PPP2R3C: variants seen among roughly 807,000 people sequenced by gnomAD.
The protein encoded by PPP2R3C is serine/threonine-protein phosphatase 2A regulatory subunit B'' subunit gamma.
A neutral mutation model predicts 63.7 loss-of-function variants in PPP2R3C; 47 were observed. The observed-to-expected ratio is 0.74, with a 90% CI of 0.58 to 0.94. The LOEUF (loss-of-function observed/expected upper bound fraction) is 0.94. Ranked by LOEUF, PPP2R3C falls within the 40% of genes least tolerant of loss-of-function variation. The pLI, the probability that PPP2R3C is intolerant of heterozygous loss-of-function variation, is 0.00. For synonymous variants in PPP2R3C, 180 were observed against 177.4 expected (o/e 1.01, Z -0.12); for missense variants, 421 against 518.4 (o/e 0.81, Z 1.82).
intron 6 of PPP2R3C, 93 bp from the exon 7 acceptor site, chr14:35,099,477 A>G (rs1272937712): frequency 2.2e-6 from 3 of 1,350,222 alleles, no homozygotes; most frequent in Non-Finnish European, 3.0e-6. Context: ...CATTAATACT[A>G]TATTGATAAA....
chr14:35,110,699 C>T, intron 2 of PPP2R3C, 70 bp from the exon 3 acceptor site: 1 of 971,066 alleles, frequency 1.0e-6, no homozygotes, highest in South Asian at 1.4e-5. Context: ...TATGTGGCCT[C>T]ATAAAATAAC....
At chr14:35,093,301 T>TC (rs1237985035) in intron 10 of PPP2R3C, among the ~76,000 whole-genome samples, 1 of 152,040 alleles carries the variant, frequency 6.6e-6, no homozygotes, top group Non-Finnish European at 1.5e-5. Context: ...TGGGAGGTTC[T>TC]CACTTAGATA....
chr14:35,120,904 C>CCGCT (rs920194635), intron 1 of PPP2R3C, among the ~76,000 whole-genome samples: 3 of 152,006 alleles, frequency 2.0e-5, no homozygotes, highest in African/African-American at 7.3e-5. Context: ...CTTCACTGCG[C>CCGCT]CGCTGCACTC....
chr14:35,108,500 G>A (rs1490114007), intron 4 of PPP2R3C, among the ~76,000 whole-genome samples: 2 of 151,596 alleles, frequency 1.3e-5, no homozygotes, highest in African/African-American at 2.4e-5. Flanking sequence ...TCAAGAGATC[G>A]AGACCATTTT....
intron 6 of PPP2R3C, chr14:35,099,741 C>CT (rs11393206): frequency 0.18 from 27,891 of 156,214 alleles, 2,344 homozygotes; most frequent in Middle Eastern, 0.27. Context: ...TTCTTTCCCT[C>CT]TTTTTTTTTT....
At position 35,116,610 on chromosome 14, in the gene PPP2R3C, C is replaced by T; in HGVS notation, c.186G>A (p.Arg62=). 1 of 1,586,246 alleles carries T rather than the reference C, an allele frequency of 6.3e-7. No homozygotes were observed. The highest frequency in any genetic ancestry group is 8.6e-7 in the Non-Finnish European group (1 of 1,166,160). ...FYKTIPRFYY[R]LPAEDEVLLQ... is the part of the protein sequence containing the mutation. ...GGACATTTGATTAGACACTACTTAC[C>T]CTATAATAAAACCGGGGAATGGTCT... The change falls in exon 2 of 13, where the codon AGG becomes AGA. Residue 62 remains arginine (R), a splice_region_variant and synonymous_variant. Transcript: ENST00000261475.
At chr14:35,099,877 C>G (rs1595095522) in intron 6 of PPP2R3C, 1 of 154,788 alleles carries the variant, frequency 6.5e-6, no homozygotes, top group Non-Finnish European at 1.4e-5. Flanking sequence ...GTAGCTGGGA[C>G]TACAGGCGCG....
chr14:35,115,148 CT>C (rs574544715), intron 2 of PPP2R3C, among the ~76,000 whole-genome samples: 11,269 of 141,226 alleles, frequency 0.08, 519 homozygotes, highest in Middle Eastern at 0.13. Context: ...TTGTAAACGG[CT>C]TTTTTTTTTT....
At position 35,091,129 on chromosome 14, in the gene PPP2R3C, G is replaced by A; in HGVS notation, c.1054C>T (p.Leu352=). ...EPAALQYIFK[L]LDIENKGYLN... ...TATCCTTTGTTCTCAATATCAAGCA[G>A]TTTGAAAATATATTGTAGAGCTGCA... The change falls in exon 11 of 13, where the codon CTG becomes TTG. Residue 352 remains leucine (L), a synonymous_variant. Transcript: ENST00000261475. 2.5e-6 allele frequency: 4 copies of A among 1,608,090 alleles called. No individual in the cohort carries two copies. The highest frequency in any genetic ancestry group is 3.4e-6 in the Non-Finnish European group (4 of 1,175,704).
At chr14:35,090,581 A>G (rs1480618267) in intron 11 of PPP2R3C, among the ~76,000 whole-genome samples, 1 of 152,082 alleles carries the variant, frequency 6.6e-6, no homozygotes, top group South Asian at 2.1e-4. Flanking sequence ...ACCAAATGAT[A>G]TATCTTTAAT....
intron 11 of PPP2R3C, among the ~76,000 whole-genome samples, chr14:35,089,608 C>T (rs552903924): frequency 1.8e-3 from 271 of 152,244 alleles, no homozygotes; most frequent in African/African-American, 6.3e-3. Flanking sequence ...CCTGCCTCAG[C>T]TTCCCTAAGT....
Position 35,107,817 on chromosome 14 carries a change from A to ATCAG in PPP2R3C, c.502+318_502+321dup, listed in dbSNP as rs138100165. 217 of 397,644 alleles carry ATCAG rather than the reference A, an allele frequency of 5.5e-4. 1 individual carries two copies. Among genetic ancestry groups the ATCAG allele is most frequent in the Non-Finnish European group, 8.5e-4 (192 of 227,100 alleles). 24.6% of individuals were successfully genotyped at this position (397,644 alleles called of 1,614,324 possible). On this transcript the variant is annotated intron_variant, in intron 5 of 12. Transcript: ENST00000261475. Reference sequence around the variant, plus strand: ...ATATTACAGCTTTGGGTTTGAAACTATCAGTCAACTCAACTTGTAATATAC... The same window carrying ATCAG: ...ATATTACAGCTTTGGGTTTGAAACTATCAGTCAGTCAACTCAACTTGTAATATAC...
chr14:35,111,970 C>T (rs189332459), intron 2 of PPP2R3C, among the ~76,000 whole-genome samples: 2 of 152,352 alleles, frequency 1.3e-5, no homozygotes, highest in Admixed American at 1.3e-4. Flanking sequence ...AATTATTTCT[C>T]TCTTGCAATT....
intron 11 of PPP2R3C, among the ~76,000 whole-genome samples, chr14:35,089,197 G>A (rs1039549491): frequency 1.6e-4 from 24 of 152,052 alleles, no homozygotes; most frequent in African/African-American, 5.6e-4. Flanking sequence ...TGACCTCCCG[G>A]ACTCTAGTGA....
rs2046035989 is a variant in PPP2R3C at position 35,097,477 on chromosome 14, T to C, written c.707-713A>G. Among the ~76,000 whole-genome samples the C allele has an allele frequency of 3.3e-5, 5 of 151,228 alleles. No individual in the cohort carries two copies. The South Asian group carries it at 1.0e-3, about 32-fold the overall frequency. ...GAGCAGAGTTTGTTTTGTCTTGTTC[T>C]TGTTCTTTTTTTTTTTTTTTTTGAG... On this transcript the variant is annotated intron_variant, in intron 7 of 12. Transcript: ENST00000261475.
At chr14:35,088,158 T>G in intron 11 of PPP2R3C, 148 bp from the exon 12 acceptor site, 1 of 692,322 alleles carries the variant, frequency 1.4e-6, no homozygotes, top group South Asian at 1.7e-5. Context: ...TTAGCTTTCT[T>G]GACCTTATTC....
At chr14:35,122,210 A>G (rs558326288), upstream of PPP2R3C, 43 of 501,884 alleles carry the variant, frequency 8.6e-5, no homozygotes, top group Non-Finnish European at 1.3e-4. Context: ...TTCAGAGGCG[A>G]CCCAAGCTCA....
chr14:35,104,572 T>C (rs935089312), intron 6 of PPP2R3C, among the ~76,000 whole-genome samples: 1 of 152,182 alleles, frequency 6.6e-6, no homozygotes, highest in African/African-American at 2.4e-5. Context: ...TAGATACCCA[T>C]ACTCAGAAGA....
At position 35,110,507 on chromosome 14, in the gene PPP2R3C, T is replaced by G. The variant is rs770668289; in HGVS notation, c.291+18A>C. On this transcript the variant is annotated intron_variant, in intron 3 of 12. Coordinates refer to ENST00000261475, the MANE Select transcript of PPP2R3C (RefSeq NM_017917.4). ...AGAAATGGTTAACATCTAAAGCAAC[T>G]TTTTGCTTTGTTCTTACCTGTAATT... 2.6e-6 allele frequency: 4 copies of G among 1,518,432 alleles called. No homozygotes were observed. The South Asian group carries it at 4.7e-5, about 18-fold the overall frequency. 94.1% of individuals were successfully genotyped at this position (1,518,432 alleles called of 1,614,324 possible).
Sources: allele counts gnomAD v4.1 joint callset (sites outside exome capture counted in the v4.1 genomes callset), GRCh38; gene constraint gnomAD v4.1.1; transcripts MANE v1.5; gene names NCBI Gene and HGNC (gene_info 2026-07-23, HGNC 2026-07-21).